Variants in SYT1 observed in about 807,000 individuals in gnomAD.
The protein encoded by SYT1 is synaptotagmin-1.
A neutral mutation model predicts 44.8 loss-of-function variants in SYT1; 8 were observed. That is an observed-to-expected ratio of 0.18 (90% CI 0.10 to 0.32). The LOEUF (loss-of-function observed/expected upper bound fraction) is 0.32, where lower values mean the gene tolerates loss of function less well. Ranked by LOEUF, SYT1 falls within the 10% of genes least tolerant of loss-of-function variation. The pLI, the probability that SYT1 is intolerant of heterozygous loss-of-function variation, is 1.00. For missense variants in SYT1, 286 were observed against 509.3 expected (o/e 0.56, Z 4.22); for synonymous variants, 154 against 188.8 (o/e 0.82, Z 1.51).
intron 9 of SYT1, among the ~76,000 whole-genome samples, chr12:79,410,397 T>A (rs550535693): frequency 6.6e-6 from 1 of 151,330 alleles, no homozygotes; most frequent in Admixed American, 6.6e-5. Flanking sequence ...CAGTCATGGG[T>A]TCTTAGTTTG....
intron 8 of SYT1, among the ~76,000 whole-genome samples, chr12:79,339,571 C>T (rs1438792680): frequency 6.6e-6 from 1 of 151,988 alleles, no homozygotes; most frequent in Non-Finnish European, 1.5e-5. Context: ...GGAAATTAGC[C>T]CTTTGTCAGA....
chr12:79,139,356 G>A (rs140927326), intron 3 of SYT1, among the ~76,000 whole-genome samples: 21 of 152,266 alleles, frequency 1.4e-4, no homozygotes, highest in African/African-American at 4.8e-4. Context: ...CTATAGATGA[G>A]CACTGTCTGT....
intron 9 of SYT1, among the ~76,000 whole-genome samples, chr12:79,354,418 A>G (rs1883032153): frequency 6.6e-6 from 1 of 152,188 alleles, no homozygotes; most frequent in African/African-American, 2.4e-5. Flanking sequence ...TGGAATTACA[A>G]CTAACATTAC....
At chr12:79,120,646 G>A (rs1474350381) in intron 3 of SYT1, among the ~76,000 whole-genome samples, 1 of 152,112 alleles carries the variant, frequency 6.6e-6, no homozygotes, top group Non-Finnish European at 1.5e-5. Context: ...GATCAGCTGA[G>A]TGAACTGTAA....
At chr12:79,227,954 A>T (rs1009145961) in intron 4 of SYT1, among the ~76,000 whole-genome samples, 3 of 152,010 alleles carry the variant, frequency 2.0e-5, no homozygotes, top group Non-Finnish European at 4.4e-5. Context: ...AGTGCATTGC[A>T]TTCTTTAATC....
intron 9 of SYT1, among the ~76,000 whole-genome samples, chr12:79,407,929 C>T (rs936060279): frequency 6.6e-6 from 1 of 152,068 alleles, no homozygotes; most frequent in African/African-American, 2.4e-5. Flanking sequence ...CAGTTTTATC[C>T]TCTTAATCTT....
intron 3 of SYT1, among the ~76,000 whole-genome samples, chr12:79,051,447 G>A (rs1481138833): frequency 6.7e-6 from 1 of 150,172 alleles, no homozygotes; most frequent in Non-Finnish European, 1.5e-5. Flanking sequence ...TCTGAGTCTT[G>A]GCTTAATCCA....
chr12:79,335,498 T>A (rs529830558), intron 8 of SYT1, among the ~76,000 whole-genome samples: 1 of 152,152 alleles, frequency 6.6e-6, no homozygotes, highest in Non-Finnish European at 1.5e-5. Flanking sequence ...AAGAACCATC[T>A]TCTCCAGGCA....
chr12:79,387,939 A>T (rs1414548716), intron 9 of SYT1, among the ~76,000 whole-genome samples: 1 of 152,234 alleles, frequency 6.6e-6, no homozygotes, highest in Non-Finnish European at 1.5e-5. Flanking sequence ...GAATGGTTTG[A>T]TCAATACATG....
intron 3 of SYT1, among the ~76,000 whole-genome samples, chr12:79,196,442 A>G (rs2138474674): frequency 6.6e-6 from 1 of 152,262 alleles, no homozygotes; most frequent in East Asian, 1.9e-4. Flanking sequence ...CTGAGATTAC[A>G]GGCATGAGCC....
chr12:79,271,704 T>C (rs1878435368), intron 4 of SYT1, among the ~76,000 whole-genome samples: 1 of 152,240 alleles, frequency 6.6e-6, no homozygotes, highest in Admixed American at 6.5e-5. Context: ...CAGGCTTTCT[T>C]GATAAAGGAA....
intron 3 of SYT1, among the ~76,000 whole-genome samples, chr12:79,170,759 C>A (rs559098008): frequency 3.3e-5 from 5 of 152,228 alleles, no homozygotes; most frequent in African/African-American, 1.2e-4. Context: ...GTATCTTCAT[C>A]ATGAAATCTT....
chr12:78,987,567 A>C (rs1869731884), intron 2 of SYT1, among the ~76,000 whole-genome samples: 1 of 152,028 alleles, frequency 6.6e-6, no homozygotes, highest in Admixed American at 6.6e-5. Flanking sequence ...AGAACCCATG[A>C]GGCTACACAT....
At chr12:79,443,758 C>T (rs2136201320) in intron 9 of SYT1, among the ~76,000 whole-genome samples, 1 of 152,192 alleles carries the variant, frequency 6.6e-6, no homozygotes, top group South Asian at 2.1e-4. Flanking sequence ...TGACATTGGC[C>T]TTGGTTGGGG....
At chr12:79,281,971 C>T (rs1194805880) in intron 4 of SYT1, among the ~76,000 whole-genome samples, 1 of 152,198 alleles carries the variant, frequency 6.6e-6, no homozygotes, top group African/African-American at 2.4e-5. Flanking sequence ...CCTGCCTTTT[C>T]CAGCTTCAAG....
At chr12:79,238,884 G>A (rs1876341869) in intron 4 of SYT1, among the ~76,000 whole-genome samples, 1 of 152,150 alleles carries the variant, frequency 6.6e-6, no homozygotes, top group Non-Finnish European at 1.5e-5. Flanking sequence ...GTGTTGCTGA[G>A]ACCTCATTAA....
At chr12:79,027,811 A>G (rs1432776540) in intron 2 of SYT1, among the ~76,000 whole-genome samples, 2 of 151,608 alleles carry the variant, frequency 1.3e-5, no homozygotes, top group Non-Finnish European at 1.5e-5. Flanking sequence ...GCATAGCACC[A>G]CATCAATTAT....
intron 1 of SYT1, among the ~76,000 whole-genome samples, chr12:78,943,095 A>G (rs1878468127): frequency 6.6e-6 from 1 of 152,178 alleles, no homozygotes; most frequent in African/African-American, 2.4e-5. Flanking sequence ...ATTCTTTTGT[A>G]TAGAGCACAA....
At chr12:79,098,723 G>A (rs1047427393) in intron 3 of SYT1, among the ~76,000 whole-genome samples, 1 of 152,142 alleles carries the variant, frequency 6.6e-6, no homozygotes, top group Non-Finnish European at 1.5e-5. Context: ...TGGTACAACA[G>A]GAGAAAACCA....
Sources: allele counts gnomAD v4.1 joint callset (sites outside exome capture counted in the v4.1 genomes callset), GRCh38; gene constraint gnomAD v4.1.1; transcripts MANE v1.5; gene names NCBI Gene and HGNC (gene_info 2026-07-23, HGNC 2026-07-21).